The following TOP1MT variants were observed in gnomAD, a reference collection of about 807,000 sequenced individuals.
TOP1MT encodes the protein DNA topoisomerase I, mitochondrial.
In TOP1MT, 80 loss-of-function variants were observed where a neutral mutation model predicts 73.9. The ratio of observed to expected loss-of-function variants is 1.08; its 90% CI spans 0.90 to 1.30. The LOEUF is 1.30. TOP1MT is among the 50% of genes most tolerant of loss of function. TOP1MT has a pLI of 0.00. For missense variants in TOP1MT, 815 were observed against 808.0 expected (o/e 1.01, Z -0.10); for synonymous variants, 338 against 326.4 (o/e 1.04, Z -0.38).
At chr8:143,325,681 GGCAGGGGACAGT>G in intron 4 of TOP1MT, 148 bp from the exon 5 acceptor site, 1 of 755,932 alleles carries the variant, frequency 1.3e-6, no homozygotes, top group East Asian at 2.7e-5. Flanking sequence ...AGGTTGCAGG[GGCAGGGGACAGT>G]GCAGGTGGGC....
At chr8:143,328,942 C>T (rs538113865) in intron 3 of TOP1MT, among the ~76,000 whole-genome samples, 38 of 152,322 alleles carry the variant, frequency 2.5e-4, no homozygotes, top group African/African-American at 9.1e-4. Flanking sequence ...GCACCCTCCC[C>T]TCCAAAGAGC....
chr8:143,353,162 C>A (rs758842117), intron 1 of TOP1MT, among the ~76,000 whole-genome samples: 31 of 152,266 alleles, frequency 2.0e-4, no homozygotes, highest in East Asian at 5.8e-4. Flanking sequence ...CACCTGTAAT[C>A]CCAGCACTTT....
upstream of TOP1MT, among the ~76,000 whole-genome samples, chr8:143,337,277 C>T (rs568562756): frequency 3.3e-5 from 5 of 152,180 alleles, no homozygotes; most frequent in South Asian, 6.2e-4. Flanking sequence ...TGATAGCAGG[C>T]GCCTGTAGTC....
In TOP1MT at chr8:143,342,861, T is replaced by C. The variant is rs750429604; in HGVS notation, c.29+359A>G. Among the ~76,000 whole-genome samples the C allele has an allele frequency of 1.1e-4, 16 of 151,010 alleles. 1 individual carries two copies. Among genetic ancestry groups the C allele is most frequent in the Middle Eastern group, 6.9e-3 (2 of 288 alleles). ...GTGCAGTGGCGTGATCTCGGCTCAC[T>C]GCAACCTCTGCCTCCCGGGTTCAAG... On this transcript the variant is annotated intron_variant, in intron 2 of 5. Coordinates refer to the TOP1MT transcript ENST00000518007.
intron 10 of TOP1MT, 41 bp from the exon 11 acceptor site, chr8:143,316,167 G>A (rs760953132): frequency 8.1e-6 from 13 of 1,612,986 alleles, no homozygotes; most frequent in Admixed American, 3.3e-5. Flanking sequence ...CCACGGGGCC[G>A]GCCACCCTCC....
intron 1 of TOP1MT, 42 bp downstream of exon 1, chr8:143,334,698 G>A: frequency 3.8e-6 from 6 of 1,595,502 alleles, no homozygotes; most frequent in Non-Finnish European, 4.3e-6. Context: ...ACCCAAGCCC[G>A]GTGCTCAGGG....
At chr8:143,348,248 C>T (rs935740064), upstream of TOP1MT, among the ~76,000 whole-genome samples, 2 of 152,196 alleles carry the variant, frequency 1.3e-5, no homozygotes, top group Admixed American at 6.5e-5. This position sits in a 1 kb window ranked among gnomAD's most constrained non-coding sequence, Gnocchi z 4.6. Flanking sequence ...GAGCAGCAGA[C>T]ATGTGAGAAA....
At chr8:143,322,412 C>CAT (rs1816468208) in intron 7 of TOP1MT, among the ~76,000 whole-genome samples, 1 of 121,900 alleles carries the variant, frequency 8.2e-6, no homozygotes, top group Non-Finnish European at 1.7e-5. Flanking sequence ...TCACCACACA[C>CAT]GCACGCCACA....
chr8:143,356,359 G>T (rs1817407380), upstream of TOP1MT, among the ~76,000 whole-genome samples: 1 of 152,232 alleles, frequency 6.6e-6, no homozygotes. Context: ...ACACGACCCA[G>T]GCAGCATGCT....
chr8:143,323,615 C>T (rs557328092), intron 7 of TOP1MT, among the ~76,000 whole-genome samples: 1 of 78,336 alleles, frequency 1.3e-5, no homozygotes, highest in East Asian at 7.2e-4. Context: ...GCCACACACA[C>T]AGGCACGCCA....
In TOP1MT at chr8:143,341,036, C is replaced by A. The variant is rs771806798; in HGVS notation, c.29+2184G>T. Among the ~76,000 whole-genome samples, 16 of 152,108 alleles carry A rather than the reference C, an allele frequency of 1.1e-4. No individual in the cohort carries two copies. The highest frequency in any genetic ancestry group is 1.8e-4 in the Non-Finnish European group (12 of 68,018). Reference sequence around the variant, plus strand: ...TCTGTGGGAACTGCTCTGTCTATCCCACTGCCCAGAGCGCGCTCCTCCCCA... The same window carrying A: ...TCTGTGGGAACTGCTCTGTCTATCCAACTGCCCAGAGCGCGCTCCTCCCCA... On this transcript the variant is annotated intron_variant, in intron 2 of 5. Transcript: ENST00000518007. The surrounding 1 kb of genome is among the most constrained non-coding windows in gnomAD (Gnocchi z 4.1).
intron 4 of TOP1MT, 130 bp from the exon 5 acceptor site, chr8:143,325,663 A>C: frequency 4.7e-6 from 4 of 847,466 alleles, no homozygotes; most frequent in Non-Finnish European, 7.3e-6. Context: ...GCCCTTCACA[A>C]TCCATGGAGG....
Position 143,324,083 on chromosome 8 carries a change from C to G in TOP1MT, c.876G>C (p.Glu292Asp). The G allele has an allele frequency of 1.2e-6, 2 of 1,613,936 alleles. No individual in the cohort carries two copies. Among genetic ancestry groups the G allele is most frequent in the South Asian group, 2.2e-5 (2 of 91,090 alleles). Residue 292 changes from glutamate (E) to aspartate (D), a missense_variant, in exon 7 of 14, where the codon GAG becomes GAC. Physicochemically the swap from Glu to Asp is conservative, Grantham distance 45. This residue lies in a region of TOP1MT where 751 missense variants were observed against 725.4 expected (regional missense o/e 1.04). Coordinates refer to ENST00000329245, the MANE Select transcript of TOP1MT (RefSeq NM_052963.3). ...AGTCAGCCCGGTACTGGGAGCGGAT[C>G]TCGTCCACAAATCCCCGCAGGCGTC... is the stretch of plus-strand genomic sequence containing the variant. ...TARRLRGFVD[E>D]IRSQYRADWK...
chr8:143,323,756 C>CCACACACGCACGCCCCA (rs71313298), intron 7 of TOP1MT, among the ~76,000 whole-genome samples: 1 of 109,292 alleles, frequency 9.1e-6, no homozygotes, highest in Non-Finnish European at 2.0e-5. Context: ...CATGCACGCC[C>CCACACACGCACGCCCCA]CACACAGACA....
rs1177544191 is a variant in TOP1MT at position 143,322,803 on chromosome 8, CAT to C, written c.960+1194_960+1195del. Among the ~76,000 whole-genome samples, 4 of 80,168 alleles carry C rather than the reference CAT, an allele frequency of 5.0e-5. 1 individual carries two copies. Among genetic ancestry groups the C allele is most frequent in the African/African-American group, 5.3e-5 (1 of 18,764 alleles). 52.6% of individuals were successfully genotyped at this position (80,168 alleles called of 152,430 possible). A position where few individuals can be genotyped will look rare whatever the true frequency, so the allele number is the denominator to read the frequency against. ...GGCACGCCACACACATGCACACACACATGCATGCCACACACAGGCACGCCACA... is the reference window on the plus strand; with the variant it reads ...GGCACGCCACACACATGCACACACACGCATGCCACACACAGGCACGCCACA... On this transcript the variant is annotated intron_variant, in intron 7 of 13. Transcript: ENST00000329245.
At chr8:143,350,609 G>C (rs1817304573) in intron 1 of TOP1MT, among the ~76,000 whole-genome samples, 1 of 152,242 alleles carries the variant, frequency 6.6e-6, no homozygotes, top group East Asian at 1.9e-4. Context: ...TGGGATTACA[G>C]GCGTGAGCCA....
chr8:143,320,331 C>T (rs1030951772), intron 8 of TOP1MT, among the ~76,000 whole-genome samples: 4 of 152,062 alleles, frequency 2.6e-5, no homozygotes, highest in African/African-American at 7.2e-5. Flanking sequence ...GGGGTTTCAC[C>T]ATGTTAGCCA....
intron 12 of TOP1MT, among the ~76,000 whole-genome samples, chr8:143,313,324 G>A (rs1816061919): frequency 6.6e-6 from 1 of 152,054 alleles, no homozygotes; most frequent in African/African-American, 2.4e-5. Context: ...GCCGAGGTGG[G>A]TGGATCACCC....
intron 2 of TOP1MT, among the ~76,000 whole-genome samples, chr8:143,342,798 T>TATTA (rs1245991452): frequency 1.3e-5 from 2 of 149,716 alleles, no homozygotes; most frequent in Non-Finnish European, 3.0e-5. Flanking sequence ...TTATTATTAT[T>TATTA]ATTAGAGACA....
Sources: gnomAD v4.1 joint callset for allele counts (sites outside exome capture counted in the v4.1 genomes callset) on GRCh38, gnomAD v4.1.1 for gene constraint, gnomAD v4.1.1 regional missense constraint, Gnocchi (gnomAD v3.1) non-coding constraint, MANE v1.5 for transcripts, NCBI Gene and HGNC (gene_info 2026-07-23, HGNC 2026-07-21) for gene names.